Variants in GSTCD observed in about 807,000 individuals in gnomAD.
GSTCD encodes the protein glutathione S-transferase C-terminal domain-containing protein.
Under a neutral mutation model 68.3 loss-of-function variants are expected in GSTCD, and 44 were observed. The ratio of observed to expected loss-of-function variants is 0.64; its 90% CI spans 0.51 to 0.83. The LOEUF (loss-of-function observed/expected upper bound fraction) is 0.83, where lower values mean the gene tolerates loss of function less well. Among genes scored for constraint, GSTCD ranks in the 40% least tolerant of loss-of-function variants. GSTCD has a pLI of 0.00. For missense variants in GSTCD, 739 were observed against 735.9 expected (o/e 1.00, Z -0.05); for synonymous variants, 273 against 255.2 (o/e 1.07, Z -0.67).
intron 5 of GSTCD, among the ~76,000 whole-genome samples, chr4:105,767,446 T>C (rs936273315): frequency 6.6e-6 from 1 of 152,002 alleles, no homozygotes; most frequent in Non-Finnish European, 1.5e-5. Context: ...TAAAAAAATC[T>C]TGTTGCTTCA....
chr4:105,793,750 C>G (rs990516252), intron 5 of GSTCD, among the ~76,000 whole-genome samples: 1 of 151,908 alleles, frequency 6.6e-6, no homozygotes, highest in African/African-American at 2.4e-5. Flanking sequence ...TTTCCACAAG[C>G]CAGTAAAAAA....
Position 105,842,074 on chromosome 4 carries a change from A to T in GSTCD, c.1705A>T (p.Ile569Phe), listed in dbSNP as rs761366610. 41 of 1,613,616 alleles carry T rather than the reference A, an allele frequency of 2.5e-5. No homozygotes were observed. The highest frequency in any genetic ancestry group is 8.5e-7 in the Non-Finnish European group (1 of 1,179,616). ...KKTLSYKEHM[I>F]LCRFADQTAV... The stretch of plus-strand genomic sequence containing the variant: ...TTGCTTTTTCTTTTAGGAACACATG[A>T]TTCTGTGCAGATTTGCAGACCAGAC... The change falls in exon 11 of 12, where the codon ATT becomes TTT. Residue 569 changes from isoleucine (I) to phenylalanine (F), a missense_variant. Transcript: ENST00000515279.
intron 5 of GSTCD, 85 bp downstream of exon 5, chr4:105,729,584 G>A: frequency 1.2e-6 from 1 of 836,154 alleles, no homozygotes; most frequent in South Asian, 2.0e-5. Context: ...ATCTCCCTTT[G>A]GCTTTATCTA....
At chr4:105,742,151 C>G (rs939390040) in intron 5 of GSTCD, among the ~76,000 whole-genome samples, 1 of 152,070 alleles carries the variant, frequency 6.6e-6, no homozygotes, top group Non-Finnish European at 1.5e-5. Context: ...ATTCTTTTTA[C>G]TAATAAAGGC....
chr4:105,776,249 G>C (rs1291191351), intron 5 of GSTCD, among the ~76,000 whole-genome samples: 1 of 152,202 alleles, frequency 6.6e-6, no homozygotes, highest in Non-Finnish European at 1.5e-5. Context: ...AGAATTTCAA[G>C]TCAGTGGATC....
chr4:105,789,987 C>A (rs1735603368), intron 5 of GSTCD, among the ~76,000 whole-genome samples: 1 of 151,438 alleles, frequency 6.6e-6, no homozygotes, highest in Non-Finnish European at 1.5e-5. Context: ...GGATAAATTA[C>A]TTTTAATTCA....
At chr4:105,751,714 T>C (rs2149227754) in intron 5 of GSTCD, among the ~76,000 whole-genome samples, 1 of 147,622 alleles carries the variant, frequency 6.8e-6, no homozygotes, top group African/African-American at 2.7e-5. Flanking sequence ...TATGGTGTTA[T>C]AGATGTTATG....
At chr4:105,759,745 T>G (rs1734331356) in intron 5 of GSTCD, among the ~76,000 whole-genome samples, 2 of 152,208 alleles carry the variant, frequency 1.3e-5, no homozygotes, top group African/African-American at 4.8e-5. Flanking sequence ...AAATTTTTAA[T>G]TATCCCTAAG....
At chr4:105,723,291 A>C (rs1307022810) in intron 3 of GSTCD, among the ~76,000 whole-genome samples, 2 of 151,922 alleles carry the variant, frequency 1.3e-5, no homozygotes, top group African/African-American at 4.8e-5. Flanking sequence ...GTATTTTTCA[A>C]ACTTTTTTTT....
chr4:105,820,589 A>G (rs1723237116), intron 5 of GSTCD: 1 of 151,862 alleles, frequency 6.6e-6, no homozygotes, highest in Admixed American at 6.6e-5. Context: ...GGAGCTTCGT[A>G]ATATTTATAA....
rs1159986693 is a variant in GSTCD, at chr4:105,726,711, C to T, written c.1027C>T (p.Pro343Ser). 1.9e-6 allele frequency: 3 copies of T among 1,613,824 alleles called. No homozygotes were observed. The highest frequency in any genetic ancestry group is 8.5e-7 in the Non-Finnish European group (1 of 1,179,938). The change falls in exon 4 of 12, where the codon CCA becomes TCA. Residue 343 changes from proline (P) to serine (S), a missense_variant. Coordinates refer to ENST00000515279, the MANE Select transcript of GSTCD (RefSeq NM_001370181.1). ...GTGTGGGATCCAATTTCTCCATTTA[C>T]CAAAGTTGTTGACAACCTCAACTGA... Reference protein sequence around the residue: ...SKCGIQFLHLPKLLTTSTEQH... With the variant: ...SKCGIQFLHLSKLLTTSTEQH...
rs541409821 is a variant in GSTCD, at chr4:105,730,145, A to T, written c.1240+646A>T. ...ATATTCTTAATCCAGTCTAACATTG[A>T]TGGACATTTGGGTTGGTTCCAAGTC... On this transcript the variant is annotated intron_variant, in intron 5 of 11. Transcript: ENST00000515279. Among the ~76,000 whole-genome samples the T allele has an allele frequency of 1.1e-4, 16 of 152,304 alleles. No homozygotes were observed. The South Asian group carries it at 3.3e-3, about 32-fold the overall frequency.
chr4:105,812,521 C>G (rs1025201149), intron 5 of GSTCD, among the ~76,000 whole-genome samples: 3 of 152,122 alleles, frequency 2.0e-5, no homozygotes, highest in African/African-American at 7.2e-5. Flanking sequence ...TTTAAATCAG[C>G]TATTGTCCAT....
intron 5 of GSTCD, among the ~76,000 whole-genome samples, chr4:105,790,269 GA>G: frequency 6.6e-6 from 1 of 152,108 alleles, no homozygotes; most frequent in Admixed American, 6.5e-5. Context: ...GATAGATATG[GA>G]CATTAGTATG....
At chr4:105,810,854 A>G (rs530855768) in intron 5 of GSTCD, among the ~76,000 whole-genome samples, 1 of 152,198 alleles carries the variant, frequency 6.6e-6, no homozygotes, top group South Asian at 2.1e-4. Flanking sequence ...TTTGCATTTT[A>G]AGTAATTTCT....
chr4:105,841,087 G>A (rs62317699), intron 10 of GSTCD, among the ~76,000 whole-genome samples: 19,116 of 152,084 alleles, frequency 0.13, 1,625 homozygotes, highest in Non-Finnish European at 0.19. Context: ...AGGCAGAGGC[G>A]GGCAGATCAC....
rs537030391 is a variant in GSTCD at position 105,830,883 on chromosome 4, A to G, written c.1531-3578A>G. Among the ~76,000 whole-genome samples, 60 of 152,292 alleles carry G rather than the reference A, an allele frequency of 3.9e-4. No homozygotes were observed. In the South Asian group the frequency reaches 4.4e-3, roughly 11 times the overall value. On this transcript the variant is annotated intron_variant, in intron 8 of 11. Coordinates refer to ENST00000515279, the MANE Select transcript of GSTCD (RefSeq NM_001370181.1). Reference sequence around the variant, plus strand: ...TGGAAAAAGGGAAGATAGTGTATAAATGTGCAAAAAAAAGGCCAAAAGCTC... The same window carrying G: ...TGGAAAAAGGGAAGATAGTGTATAAGTGTGCAAAAAAAAGGCCAAAAGCTC...
intron 5 of GSTCD, among the ~76,000 whole-genome samples, chr4:105,741,781 A>G (rs922772706): frequency 2.6e-5 from 4 of 152,220 alleles, no homozygotes; most frequent in Non-Finnish European, 4.4e-5. Context: ...TATGACAAAG[A>G]AGCAACTCTA....
chr4:105,845,560 G>A lies in GSTCD; in HGVS notation c.1885G>A (p.Val629Met). The change falls in exon 12 of 12, where the codon GTG (valine) becomes ATG (methionine). Residue 629 changes from valine to methionine, a missense_variant. Physicochemically the swap from Val to Met is conservative, Grantham distance 21. Coordinates refer to ENST00000515279, the MANE Select transcript of GSTCD (RefSeq NM_001370181.1). ...CTGCTCTCCCAAAAATAACATGATT[G>A]TGGGAGTCCCCATTTAAAATGAGAT... ...ESCSPKNNMI[V>M]GVPI is the part of the protein sequence containing the mutation. 1.2e-6 allele frequency: 2 copies of A among 1,614,028 alleles called. No individual in the cohort carries two copies. Among genetic ancestry groups the A allele is most frequent in the East Asian group, 2.2e-5 (1 of 44,884 alleles).
Sources: gnomAD v4.1 joint callset for allele counts (sites outside exome capture counted in the v4.1 genomes callset) on GRCh38, gnomAD v4.1.1 for gene constraint, MANE v1.5 for transcripts, NCBI Gene and HGNC (gene_info 2026-07-23, HGNC 2026-07-21) for gene names.